PTPRD: variants seen among roughly 807,000 people sequenced by gnomAD.
PTPRD encodes receptor-type tyrosine-protein phosphatase delta.
Under a neutral mutation model 214.5 loss-of-function variants are expected in PTPRD, and 34 were observed. The observed-to-expected ratio is 0.16, with a 90% CI of 0.12 to 0.21. PTPRD has a LOEUF of 0.21. Ranked by LOEUF, PTPRD falls within the 10% of genes least tolerant of loss-of-function variation. The pLI, the probability that PTPRD is intolerant of heterozygous loss-of-function variation, is 1.00. For missense variants in PTPRD, 2,545 were observed against 2,398.7 expected (o/e 1.06, Z -1.27); for synonymous variants, 1,128 against 845.7 (o/e 1.33, Z -5.79).
chr9:8,744,728 T>C (rs948807619), intron 11 of PTPRD, among the ~76,000 whole-genome samples: 1 of 152,114 alleles, frequency 6.6e-6, no homozygotes, highest in Non-Finnish European at 1.5e-5. Flanking sequence ...TGCACCAAAA[T>C]CTCAGAAATC....
intron 4 of PTPRD, among the ~76,000 whole-genome samples, chr9:10,023,439 A>G (rs1259172687): frequency 6.6e-6 from 1 of 152,190 alleles, no homozygotes; most frequent in East Asian, 1.9e-4. Flanking sequence ...AATTCTGCAC[A>G]TGATTTCTTC....
intron 3 of PTPRD, among the ~76,000 whole-genome samples, chr9:10,040,397 T>C (rs1228476845): frequency 6.6e-6 from 1 of 152,070 alleles, no homozygotes; most frequent in Non-Finnish European, 1.5e-5. Context: ...GCAGATGTGC[T>C]TCTGCCCAAA....
At chr9:9,363,397 A>T (rs548786120) in intron 9 of PTPRD, among the ~76,000 whole-genome samples, 2 of 151,458 alleles carry the variant, frequency 1.3e-5, no homozygotes, top group African/African-American at 4.8e-5. Flanking sequence ...AGGAGATCTG[A>T]AACAAATGGA....
chr9:8,944,480 A>T (rs1351333729), intron 11 of PTPRD, among the ~76,000 whole-genome samples: 1 of 152,120 alleles, frequency 6.6e-6, no homozygotes. Flanking sequence ...TACACAAAAT[A>T]TCCAAGATTT....
intron 7 of PTPRD, among the ~76,000 whole-genome samples, chr9:9,683,768 G>A (rs2097118322): frequency 6.6e-6 from 1 of 151,700 alleles, no homozygotes; most frequent in African/African-American, 2.4e-5. Context: ...AGCATTGTGA[G>A]ATATAATTAT....
chr9:10,012,445 A>T (rs983982881), intron 4 of PTPRD, among the ~76,000 whole-genome samples: 3 of 151,986 alleles, frequency 2.0e-5, no homozygotes, highest in African/African-American at 7.2e-5. Flanking sequence ...GATTTTTTAA[A>T]GTTTAAGCAA....
intron 14 of PTPRD, among the ~76,000 whole-genome samples, chr9:8,584,012 G>A (rs1175827487): frequency 1.3e-5 from 2 of 151,974 alleles, no homozygotes; most frequent in Admixed American, 6.6e-5. Flanking sequence ...ATTAGCCATC[G>A]GTGTGGTGGT....
intron 10 of PTPRD, among the ~76,000 whole-genome samples, chr9:9,079,752 T>C (rs984969478): frequency 1.3e-5 from 2 of 152,054 alleles, no homozygotes; most frequent in African/African-American, 4.8e-5. Context: ...TCACAATATG[T>C]ATGCACTTAT....
chr9:10,246,268 A>C (rs943613423), intron 3 of PTPRD, among the ~76,000 whole-genome samples: 1 of 152,062 alleles, frequency 6.6e-6, no homozygotes, highest in Non-Finnish European at 1.5e-5. Flanking sequence ...TTTGAGATGG[A>C]GTTTCGCTCT....
intron 5 of PTPRD, among the ~76,000 whole-genome samples, chr9:9,866,030 A>G (rs2063862888): frequency 6.6e-6 from 1 of 152,144 alleles, no homozygotes; most frequent in African/African-American, 2.4e-5. Flanking sequence ...CCATTCTCGT[A>G]CACTTGCCTT....
intron 8 of PTPRD, among the ~76,000 whole-genome samples, chr9:9,414,479 G>C (rs1019611572): frequency 4.6e-5 from 7 of 152,340 alleles, no homozygotes; most frequent in East Asian, 3.9e-4. Flanking sequence ...CGGCCTTAAG[G>C]AGGTGGTGGT....
chr9:9,567,246 T>G lies in PTPRD; in HGVS notation c.-237+7486A>C, dbSNP rs116503334. 3.3e-3 allele frequency among the ~76,000 whole-genome samples: 504 copies of G among 151,554 alleles called. 3 individuals are homozygous for G. The highest frequency in any genetic ancestry group is 0.012 in the African/African-American group (484 of 41,326). On this transcript the variant is annotated intron_variant, in intron 8 of 45. Coordinates refer to ENST00000381196, the MANE Select transcript of PTPRD (RefSeq NM_002839.4). ...GTCAAAGGAAAAATGCAGAGATGAT[T>G]GATTGTGGGTGGGAGGTTCTGCTAG...
At chr9:8,364,556 A>G (rs905635632) in intron 39 of PTPRD, among the ~76,000 whole-genome samples, 11 of 152,196 alleles carry the variant, frequency 7.2e-5, no homozygotes, top group African/African-American at 2.2e-4. Flanking sequence ...TAGCACTCCA[A>G]CGGGAGCGGC....
Position 8,923,390 on chromosome 9 carries a change from G to A in PTPRD, c.-104+95307C>T, listed in dbSNP as rs548001123. On this transcript the variant is annotated intron_variant, in intron 11 of 45. Transcript: ENST00000381196. The stretch of plus-strand genomic sequence containing the variant: ...AGAAGTTACTCAGCACCGAGAGCAA[G>A]CAATAAAACGAGTCATACCAAAAAG... Among the ~76,000 whole-genome samples the A allele has an allele frequency of 6.6e-5, 10 of 151,908 alleles. 1 individual carries two copies. Among genetic ancestry groups the A allele is most frequent in the Admixed American group, 6.6e-4 (10 of 15,228 alleles).
chr9:8,414,390 G>C (rs2093743737), intron 35 of PTPRD, among the ~76,000 whole-genome samples: 1 of 152,128 alleles, frequency 6.6e-6, no homozygotes, highest in Non-Finnish European at 1.5e-5. Context: ...ATGGCTACTT[G>C]CCAATGACAG....
chr9:8,529,419 A>C (rs889786207), intron 14 of PTPRD, among the ~76,000 whole-genome samples: 1 of 152,168 alleles, frequency 6.6e-6, no homozygotes, highest in Admixed American at 6.6e-5. Context: ...GGATGCTTTG[A>C]AAAAGAAGAG....
At chr9:9,014,317 G>T (rs1333638007) in intron 11 of PTPRD, among the ~76,000 whole-genome samples, 2 of 150,914 alleles carry the variant, frequency 1.3e-5, no homozygotes, top group Admixed American at 6.6e-5. Context: ...TGCTTATGTT[G>T]TGTAAATTAG....
intron 2 of PTPRD, among the ~76,000 whole-genome samples, chr9:10,360,416 A>T (rs910402521): frequency 2.6e-5 from 4 of 152,252 alleles, no homozygotes; most frequent in Non-Finnish European, 5.9e-5. Flanking sequence ...TCTGCAGGGC[A>T]TGTCATTGTC....
At chr9:9,071,127 C>T (rs917832385) in intron 10 of PTPRD, among the ~76,000 whole-genome samples, 5 of 152,104 alleles carry the variant, frequency 3.3e-5, no homozygotes, top group Non-Finnish European at 7.4e-5. Context: ...GTTGCCAGTG[C>T]TACCTTTAAA....
Sources: allele counts gnomAD v4.1 joint callset (sites outside exome capture counted in the v4.1 genomes callset), GRCh38; gene constraint gnomAD v4.1.1; transcripts MANE v1.5; gene names NCBI Gene and HGNC (gene_info 2026-07-23, HGNC 2026-07-21).